The following FAM110C variants were observed in gnomAD, a reference collection of about 807,000 sequenced individuals.
The protein encoded by FAM110C is protein FAM110C.
In FAM110C, 19 loss-of-function variants were observed where a neutral mutation model predicts 15.7. The observed-to-expected ratio is 1.21, with a 90% CI of 0.85 to 1.78. The LOEUF (loss-of-function observed/expected upper bound fraction) is 1.78. FAM110C is among the 40% of genes most tolerant of loss of function. The pLI is 0.00. For missense variants in FAM110C, 547 were observed against 495.7 expected (o/e 1.10, Z -0.98); for synonymous variants, 275 against 233.9 (o/e 1.18, Z -1.61).
intron 1 of FAM110C, chr2:43,399 G>A (rs1307707064): frequency 1.7e-5 from 17 of 985,250 alleles, no homozygotes; most frequent in Non-Finnish European, 1.9e-5. Context: ...GGAGGAAGAA[G>A]CCCATGAGCC....
intron 1 of FAM110C, chr2:43,720 T>C (rs896297450): frequency 1.0e-6 from 1 of 985,420 alleles, no homozygotes; most frequent in Non-Finnish European, 1.2e-6. Flanking sequence ...TGCCACATTA[T>C]TACCTCCCCA....
At chr2:41,659 C>T (rs1036169497) in intron 1 of FAM110C, 32 bp from the exon 2 acceptor site, 4 of 1,612,994 alleles carry the variant, frequency 2.5e-6, no homozygotes, top group Non-Finnish European at 2.5e-6. Context: ...AGTGAATCAA[C>T]TCCAGTCTAG....
At chr2:41,728 T>C in intron 1 of FAM110C, 101 bp from the exon 2 acceptor site, 1 of 1,445,982 alleles carries the variant, frequency 6.9e-7, no homozygotes, top group Non-Finnish European at 9.1e-7. Context: ...GTAGTTTTTG[T>C]TTTCTGACAT....
At chr2:45,178 T>G in intron 1 of FAM110C, 1 of 985,436 alleles carries the variant, frequency 1.0e-6, no homozygotes. Flanking sequence ...ATTTGCAGAA[T>G]TGCCTTTCCA....
chr2:41,640 A>G lies in FAM110C; in HGVS notation c.947-13T>C, dbSNP rs1181835163. 1.2e-6 allele frequency: 2 copies of G among 1,613,456 alleles called. No individual in the cohort carries two copies. The highest frequency in any genetic ancestry group is 2.2e-5 in the South Asian group (2 of 90,922). ...GAAGGTTTGCTTCCTGAGGAGTTAA[A>G]GAAAAAATAGTGAATCAACTCCAGT... On this transcript the variant is annotated splice_polypyrimidine_tract_variant and intron_variant, in intron 1 of 1. Transcript: ENST00000327669.
At position 45,699 on chromosome 2, in the gene FAM110C, C is replaced by A. The variant is rs1664263431; in HGVS notation, c.687G>T (p.Val229=). The A allele has an allele frequency of 1.9e-6, 3 of 1,604,164 alleles. No individual in the cohort carries two copies. Residue 229 remains valine (V), a synonymous_variant, in exon 1 of 2, where the codon GTG becomes GTT. Coordinates refer to ENST00000327669, the MANE Select transcript of FAM110C (RefSeq NM_001077710.3). The part of the protein sequence containing the change: ...FQYCGLDPEV[V]EALGRENFTA... Reference sequence around the variant, plus strand: ...TGAAGTTCTCCCTCCCCAGGGCCTCCACCACCTCGGGGTCCAGGCCGCAGT... The same window carrying A: ...TGAAGTTCTCCCTCCCCAGGGCCTCAACCACCTCGGGGTCCAGGCCGCAGT...
chr2:39,052 A>G lies in FAM110C; in HGVS notation c.*2556T>C, dbSNP rs1257028564. 6.6e-6 allele frequency: 1 copy of G among 152,210 alleles called. No homozygotes were observed. Among genetic ancestry groups the G allele is most frequent in the Non-Finnish European group, 1.5e-5 (1 of 68,044 alleles). The allele number at this position is 152,210 out of a possible 1,614,324, so 9.4% of individuals were successfully genotyped here. A position where few individuals can be genotyped will look rare whatever the true frequency, so the allele number is the denominator to read the frequency against. ...CCAGTTTCAGTGCCCAGTAGTTTAA[A>G]ACATTCTATTATGTTTAATTACATT... is the stretch of plus-strand genomic sequence containing the variant. On this transcript the variant is annotated 3_prime_UTR_variant, in exon 2 of 2. Transcript: ENST00000327669.
Position 46,150 on chromosome 2 carries a change from GC to G in FAM110C, c.235del (p.Ala79ProfsTer17). The stretch of plus-strand genomic sequence containing the variant: ...GCGCGCCACCGGGGCCGGGGCGCGG[GC>G]CGGGGGCCCAGGGTCGTTCCCCGGG... Reference protein sequence around the residue: ...KCPGNDPGPPARAPAPVARRA... With the variant: ...KCPGNDPGPPXRAPAPVARRA... On this transcript the variant is annotated frameshift_variant, in exon 1 of 2. Coordinates refer to ENST00000327669, the MANE Select transcript of FAM110C (RefSeq NM_001077710.3). LOFTEE classifies it high-confidence loss of function. The G allele has an allele frequency of 7.0e-7, 1 of 1,428,898 alleles. No homozygotes were observed. Among genetic ancestry groups the G allele is most frequent in the Non-Finnish European group, 9.1e-7 (1 of 1,098,312 alleles). The allele number at this position is 1,428,898 out of a possible 1,614,324, so 88.5% of individuals were successfully genotyped here. A position where few individuals can be genotyped will look rare whatever the true frequency, so the allele number is the denominator to read the frequency against.
chr2:43,608 G>C (rs1664187193), intron 1 of FAM110C: 1 of 985,300 alleles, frequency 1.0e-6, no homozygotes, highest in African/African-American at 1.7e-5. Flanking sequence ...TCACTCTTTT[G>C]ACATTGGCTA....
In FAM110C at chr2:41,597, A is replaced by G. The variant is rs1166423460; in HGVS notation, c.*11T>C. On this transcript the variant is annotated 3_prime_UTR_variant, in exon 2 of 2. Transcript: ENST00000327669. ...CCCAAATCACCCATGAAATCCTTCA[A>G]GAAGTCTTCATCATCGGGAAGGTTT... 1.2e-6 allele frequency: 2 copies of G among 1,613,902 alleles called. No homozygotes were observed. The highest frequency in any genetic ancestry group is 1.7e-5 in the Admixed American group (1 of 59,960).
rs976507245 is a variant in FAM110C, at chr2:42,432, C to T, written c.947-805G>A. The T allele has an allele frequency of 9.6e-6, 5 of 522,288 alleles. No individual in the cohort carries two copies. In the African/African-American group the frequency reaches 1.0e-4, roughly 11 times the overall value. The allele number at this position is 522,288 out of a possible 1,614,324, so 32.4% of individuals were successfully genotyped here. A position where few individuals can be genotyped will look rare whatever the true frequency, so the allele number is the denominator to read the frequency against. ...TATATATTCTACGCAAAACAGAAAACCAGAAAGATCTAAATTTTGACAAGT... is the reference window on the plus strand; with the variant it reads ...TATATATTCTACGCAAAACAGAAAATCAGAAAGATCTAAATTTTGACAAGT... On this transcript the variant is annotated intron_variant, in intron 1 of 1. Coordinates refer to ENST00000327669, the MANE Select transcript of FAM110C (RefSeq NM_001077710.3).
intron 1 of FAM110C, chr2:44,372 A>G: frequency 1.0e-6 from 1 of 985,434 alleles, no homozygotes; most frequent in Non-Finnish European, 1.2e-6. Context: ...TAGCTGTCAA[A>G]CATAGGTGAG....
intron 1 of FAM110C, among the ~76,000 whole-genome samples, chr2:42,603 G>T (rs946190061): frequency 6.6e-6 from 1 of 152,202 alleles, no homozygotes; most frequent in African/African-American, 2.4e-5. Context: ...CAGAGGACTT[G>T]TGTGCGGATT....
In FAM110C at chr2:45,617, C is replaced by CGGAGGT; in HGVS notation, c.763_768dup (p.Thr255_Ser256dup). The CGGAGGT allele has an allele frequency of 1.2e-6, 2 of 1,613,272 alleles. No individual in the cohort carries two copies. Among genetic ancestry groups the CGGAGGT allele is most frequent in the Non-Finnish European group, 1.7e-6 (2 of 1,179,852 alleles). On this transcript the variant is annotated inframe_insertion, in exon 1 of 2. Coordinates refer to ENST00000327669, the MANE Select transcript of FAM110C (RefSeq NM_001077710.3). ...CCGCTGTGCCGGGAGAAGCCGCTGC[C>CGGAGGT]GGAGGTGGCGACGCTCACGCTGCGC...
In FAM110C at chr2:46,458, C is replaced by A; in HGVS notation, c.-73G>T. 2 of 1,170,460 alleles carry A rather than the reference C, an allele frequency of 1.7e-6. No homozygotes were observed. Among genetic ancestry groups the A allele is most frequent in the South Asian group, 3.5e-5 (1 of 28,526 alleles). The allele number at this position is 1,170,460 out of a possible 1,614,324, so 72.5% of individuals were successfully genotyped here. On this transcript the variant is annotated 5_prime_UTR_variant, in exon 1 of 2. Coordinates refer to ENST00000327669, the MANE Select transcript of FAM110C (RefSeq NM_001077710.3). ...GCTCGAGTGGTAGAGCCAGTCAGTCCCAGGGCCGGTTCCGAAGTCCGCGCC... is the reference window on the plus strand; with the variant it reads ...GCTCGAGTGGTAGAGCCAGTCAGTCACAGGGCCGGTTCCGAAGTCCGCGCC...
chr2:42,952 C>T, intron 1 of FAM110C: 1 of 985,436 alleles, frequency 1.0e-6, no homozygotes, highest in Non-Finnish European at 1.2e-6. Flanking sequence ...GGGACTTCTG[C>T]AGGAAGTCAG....
intron 1 of FAM110C, 156 bp downstream of exon 1, chr2:45,284 C>T (rs921686084): frequency 1.0e-6 from 1 of 985,410 alleles, no homozygotes. Context: ...ACTCACAAGC[C>T]TCTGCGTCAG....
At chr2:43,311 A>T (rs1404083378) in intron 1 of FAM110C, 2 of 985,258 alleles carry the variant, frequency 2.0e-6, no homozygotes, top group East Asian at 2.3e-4. Flanking sequence ...CTGAGAAATA[A>T]TGTGAAACTT....
rs1372860001 is a variant in FAM110C at position 39,279 on chromosome 2, A to G, written c.*2329T>C. The G allele has an allele frequency of 6.6e-6, 1 of 152,168 alleles. No homozygotes were observed. Among genetic ancestry groups the G allele is most frequent in the African/African-American group, 2.4e-5 (1 of 41,432 alleles). The allele number at this position is 152,168 out of a possible 1,614,324, so 9.4% of individuals were successfully genotyped here. On this transcript the variant is annotated 3_prime_UTR_variant, in exon 2 of 2. Coordinates refer to ENST00000327669, the MANE Select transcript of FAM110C (RefSeq NM_001077710.3). ...TTTTACTTTTTATATATATTTTTAG[A>G]GACAGGGTCTTGCTCTGTCACTCAG... is the stretch of plus-strand genomic sequence containing the variant.
Sources: gnomAD v4.1 joint callset for allele counts (sites outside exome capture counted in the v4.1 genomes callset) on GRCh38, gnomAD v4.1.1 for gene constraint, MANE v1.5 for transcripts, NCBI Gene and HGNC (gene_info 2026-07-23, HGNC 2026-07-21) for gene names.